PLPP1: variants seen among roughly 807,000 people sequenced by gnomAD.
PLPP1 encodes phospholipid phosphatase 1.
PLPP1 carries 24 observed loss-of-function variants against 31.2 expected under a neutral mutation model. The observed-to-expected ratio is 0.77, with a 90% CI of 0.56 to 1.08. PLPP1 has a LOEUF of 1.08. PLPP1 is among the 50% of genes least tolerant of loss of function. PLPP1 has a pLI of 0.00. For synonymous variants in PLPP1, 146 were observed against 126.3 expected (o/e 1.16, Z -1.05); for missense variants, 319 against 342.7 (o/e 0.93, Z 0.55).
At chr5:55,509,215 A>G (rs1211307471) in intron 1 of PLPP1, among the ~76,000 whole-genome samples, 1 of 152,250 alleles carries the variant, frequency 6.6e-6, no homozygotes, top group Non-Finnish European at 1.5e-5. Flanking sequence ...CTGGTTCTTG[A>G]GCAAGAAAGC....
At chr5:55,492,053 G>C (rs1191811595) in intron 1 of PLPP1, among the ~76,000 whole-genome samples, 1 of 150,150 alleles carries the variant, frequency 6.7e-6, no homozygotes, top group African/African-American at 2.4e-5. Flanking sequence ...AATAATTTCA[G>C]TTGAAATTTT....
intron 1 of PLPP1, among the ~76,000 whole-genome samples, chr5:55,519,447 A>T (rs1018196708): frequency 6.6e-6 from 1 of 152,210 alleles, no homozygotes; most frequent in African/African-American, 2.4e-5. Context: ...TGTGTTTTTT[A>T]AAAATTTTAA....
At chr5:55,496,659 G>C (rs1261077035) in intron 1 of PLPP1, among the ~76,000 whole-genome samples, 1 of 152,146 alleles carries the variant, frequency 6.6e-6, no homozygotes, top group Non-Finnish European at 1.5e-5. Context: ...AGGGCCATGG[G>C]TGACAGTACC....
chr5:55,453,813 C>T (rs1751945391), intron 3 of PLPP1, among the ~76,000 whole-genome samples: 1 of 152,038 alleles, frequency 6.6e-6, no homozygotes, highest in Non-Finnish European at 1.5e-5. Flanking sequence ...CAGTGGCACA[C>T]ACCTATGATC....
chr5:55,528,523 A>G (rs1189113348), intron 1 of PLPP1, among the ~76,000 whole-genome samples: 1 of 152,212 alleles, frequency 6.6e-6, no homozygotes, highest in East Asian at 1.9e-4. Flanking sequence ...ATCAATATGC[A>G]TTGAATAAAT....
Position 55,530,784 on chromosome 5 carries a change from G to C in PLPP1, c.58+3788C>G, listed in dbSNP as rs370764775. On this transcript the variant is annotated intron_variant, in intron 1 of 5. Transcript: ENST00000307259. The stretch of plus-strand genomic sequence containing the variant: ...TCAGGAAACATTTTCTACAGAAAAC[G>C]TGCTGACAGGGCGCGGTCCGCACGG... 3.0e-5 allele frequency: 46 copies of C among 1,521,404 alleles called. No homozygotes were observed. In the African/African-American group the frequency reaches 3.4e-4, roughly 11 times the overall value. The allele number at this position is 1,521,404 out of a possible 1,614,324, so 94.2% of individuals were successfully genotyped here.
At chr5:55,507,079 C>T (rs534100572) in intron 1 of PLPP1, among the ~76,000 whole-genome samples, 5 of 152,162 alleles carry the variant, frequency 3.3e-5, no homozygotes, top group African/African-American at 1.2e-4. Flanking sequence ...TATTTCTGAA[C>T]AGAAAGGGTT....
intron 3 of PLPP1, among the ~76,000 whole-genome samples, chr5:55,454,190 G>C (rs1751955386): frequency 6.6e-6 from 1 of 151,970 alleles, no homozygotes; most frequent in South Asian, 2.1e-4. Context: ...CATTGCTTCT[G>C]AGTTGCAATA....
At chr5:55,432,546 T>C (rs1432684991) in intron 4 of PLPP1, among the ~76,000 whole-genome samples, 1 of 152,146 alleles carries the variant, frequency 6.6e-6, no homozygotes, top group Admixed American at 6.5e-5. Context: ...AGCATTACCC[T>C]GATACGAAAA....
intron 1 of PLPP1, among the ~76,000 whole-genome samples, chr5:55,482,221 C>T (rs903805402): frequency 1.3e-5 from 2 of 150,414 alleles, no homozygotes; most frequent in Admixed American, 6.7e-5. Context: ...CACACACACA[C>T]ACACATCTCC....
chr5:55,488,827 T>C (rs1304448595), intron 1 of PLPP1, among the ~76,000 whole-genome samples: 2 of 152,180 alleles, frequency 1.3e-5, no homozygotes, highest in African/African-American at 4.8e-5. Context: ...CCAGGGGGCA[T>C]GTTGCCAGGT....
intron 4 of PLPP1, among the ~76,000 whole-genome samples, chr5:55,434,528 T>G (rs1751446741): frequency 6.6e-6 from 1 of 152,122 alleles, no homozygotes; most frequent in South Asian, 2.1e-4. Context: ...CCTGACTTCA[T>G]ATTACAAGGC....
chr5:55,506,498 T>C (rs1195131031), intron 1 of PLPP1, among the ~76,000 whole-genome samples: 4 of 152,170 alleles, frequency 2.6e-5, no homozygotes, highest in Non-Finnish European at 5.9e-5. Flanking sequence ...GGTCTCTATG[T>C]GATACACACA....
chr5:55,454,469 G>C (rs932260229), intron 3 of PLPP1, among the ~76,000 whole-genome samples: 2 of 152,226 alleles, frequency 1.3e-5, no homozygotes, highest in Non-Finnish European at 2.9e-5. Context: ...TTACTGGTCA[G>C]TAAATTAGCT....
chr5:55,504,108 C>T (rs1438552659), intron 1 of PLPP1, among the ~76,000 whole-genome samples: 12 of 151,496 alleles, frequency 7.9e-5, no homozygotes, highest in African/African-American at 2.7e-4. Flanking sequence ...TGGTGGCTCA[C>T]GCCTATAATC....
chr5:55,464,747 A>G (rs1029359656), intron 3 of PLPP1, among the ~76,000 whole-genome samples: 1 of 152,222 alleles, frequency 6.6e-6, no homozygotes, highest in Non-Finnish European at 1.5e-5. Flanking sequence ...TTCCTTTTAT[A>G]TAATACTCTA....
intron 2 of PLPP1, among the ~76,000 whole-genome samples, chr5:55,472,878 C>G (rs1401305913): frequency 6.6e-6 from 1 of 152,136 alleles, no homozygotes; most frequent in Non-Finnish European, 1.5e-5. Context: ...CTGTGTAGGC[C>G]GTGCACATCA....
At chr5:55,517,436 A>C (rs533838498) in intron 1 of PLPP1, among the ~76,000 whole-genome samples, 21 of 151,962 alleles carry the variant, frequency 1.4e-4, no homozygotes, top group Non-Finnish European at 2.6e-4. Context: ...GGCTCAAGCG[A>C]CCTGCCCACC....
intron 3 of PLPP1, among the ~76,000 whole-genome samples, chr5:55,464,737 T>G (rs1323691132): frequency 6.6e-6 from 1 of 152,192 alleles, no homozygotes; most frequent in Non-Finnish European, 1.5e-5. Context: ...CACTGTAGGA[T>G]TCCTTTTATA....
Sources: gnomAD v4.1 joint callset for allele counts (sites outside exome capture counted in the v4.1 genomes callset) on GRCh38, gnomAD v4.1.1 for gene constraint, MANE v1.5 for transcripts, NCBI Gene and HGNC (gene_info 2026-07-23, HGNC 2026-07-21) for gene names.